NLGN1: variants seen among roughly 807,000 people sequenced by gnomAD.
NLGN1 encodes the protein neuroligin-1.
NLGN1 carries 12 observed loss-of-function variants against 65.5 expected under a neutral mutation model. That is an observed-to-expected ratio of 0.18 (90% confidence interval 0.12 to 0.30). The LOEUF is 0.30. Ranked by LOEUF, NLGN1 falls within the 10% of genes least tolerant of loss-of-function variation. NLGN1 has a pLI of 1.00. For synonymous variants in NLGN1, 350 were observed against 359.5 expected (o/e 0.97, Z 0.30); for missense variants, 750 against 1,007.1 (o/e 0.74, Z 3.46).
chr3:173,813,066 G>A (rs897780775), intron 4 of NLGN1, among the ~76,000 whole-genome samples: 3 of 151,554 alleles, frequency 2.0e-5, no homozygotes, highest in Admixed American at 2.0e-4. Context: ...AGAAAAGTAA[G>A]GAAAGGTAGA....
intron 3 of NLGN1, among the ~76,000 whole-genome samples, chr3:173,716,606 C>T (rs1371572752): frequency 3.3e-5 from 5 of 151,976 alleles, no homozygotes; most frequent in African/African-American, 1.2e-4. Context: ...TACTTCTTCC[C>T]GGGGGCTGAA....
intron 4 of NLGN1, among the ~76,000 whole-genome samples, chr3:174,091,899 A>C (rs1259349707): frequency 2.0e-5 from 3 of 152,194 alleles, no homozygotes; most frequent in African/African-American, 7.2e-5. Flanking sequence ...CAAGTCCCAA[A>C]GGGAAGAGCA....
intron 3 of NLGN1, among the ~76,000 whole-genome samples, chr3:173,611,650 A>T (rs1752313940): frequency 6.6e-6 from 1 of 152,012 alleles, no homozygotes; most frequent in African/African-American, 2.4e-5. Flanking sequence ...AAACAGTGTA[A>T]GTTGGGACTC....
intron 3 of NLGN1, among the ~76,000 whole-genome samples, chr3:173,806,031 T>A (rs564633794): frequency 6.6e-6 from 1 of 152,306 alleles, no homozygotes; most frequent in Non-Finnish European, 1.5e-5. Flanking sequence ...TGTCAAAGTA[T>A]CCTTCCCTCA....
At chr3:173,638,690 A>G (rs1021668137) in intron 3 of NLGN1, among the ~76,000 whole-genome samples, 3 of 152,294 alleles carry the variant, frequency 2.0e-5, no homozygotes, top group African/African-American at 7.2e-5. Context: ...TATTTTAATC[A>G]GAGATGGAAT....
Position 174,280,788 on chromosome 3 carries a change from G to A in NLGN1, c.1957G>A (p.Ala653Thr), listed in dbSNP as rs764448649. 11 of 1,613,296 alleles carry A rather than the reference G, an allele frequency of 6.8e-6. No individual in the cohort carries two copies. The highest frequency in any genetic ancestry group is 9.3e-6 in the Non-Finnish European group (11 of 1,179,546). ...ACCTGTCACGTCAGCCTTTCCCACTGCCAAGCAGGATGATCCCAAACAACA... is the reference window on the plus strand; with the variant it reads ...ACCTGTCACGTCAGCCTTTCCCACTACCAAGCAGGATGATCCCAAACAACA... Residue 653 changes from alanine to threonine, a missense_variant, in exon 7 of 7, where the codon GCC becomes ACC. Physicochemically the swap from Ala to Thr is moderately conservative, Grantham distance 58. Transcript: ENST00000457714. This position sits in a 1 kb window ranked among gnomAD's most constrained non-coding sequence, Gnocchi z 4.9.
intron 4 of NLGN1, among the ~76,000 whole-genome samples, chr3:173,986,222 A>C (rs1056408853): frequency 6.6e-6 from 1 of 152,104 alleles, no homozygotes; most frequent in African/African-American, 2.4e-5. Flanking sequence ...TAATCCCAAC[A>C]CTTTGGGAGG....
chr3:174,008,860 T>C (rs1724969734), intron 4 of NLGN1, among the ~76,000 whole-genome samples: 1 of 152,118 alleles, frequency 6.6e-6, no homozygotes, highest in South Asian at 2.1e-4. Flanking sequence ...AACCCTTTAA[T>C]TTTTTTATTG....
chr3:174,133,333 A>G (rs1264169244), intron 4 of NLGN1, among the ~76,000 whole-genome samples: 1 of 152,180 alleles, frequency 6.6e-6, no homozygotes, highest in Non-Finnish European at 1.5e-5. Context: ...AATATCTTCT[A>G]ATCTTTGACA....
chr3:173,911,743 T>C (rs988015586), intron 4 of NLGN1, among the ~76,000 whole-genome samples: 1 of 152,204 alleles, frequency 6.6e-6, no homozygotes, highest in African/African-American at 2.4e-5. Context: ...AGAGCATTGA[T>C]ACTTGTTGAA....
chr3:173,445,400 A>C (rs1405794151), intron 2 of NLGN1, among the ~76,000 whole-genome samples: 1 of 152,174 alleles, frequency 6.6e-6, no homozygotes, highest in Non-Finnish European at 1.5e-5. Context: ...GGTTAATTAA[A>C]GCTTAAGTTA....
At chr3:173,498,525 T>G (rs1730428866) in intron 2 of NLGN1, among the ~76,000 whole-genome samples, 2 of 151,916 alleles carry the variant, frequency 1.3e-5, no homozygotes, top group African/African-American at 2.4e-5. Flanking sequence ...CGTGTGCATG[T>G]GGCTTTATAG....
intron 4 of NLGN1, among the ~76,000 whole-genome samples, chr3:174,203,603 T>A (rs1461716229): frequency 1.3e-5 from 2 of 152,144 alleles, no homozygotes; most frequent in Non-Finnish European, 2.9e-5. Context: ...GGCACCCACA[T>A]CTATGAGGAA....
At chr3:173,458,282 GTT>G (rs1258937788) in intron 2 of NLGN1, among the ~76,000 whole-genome samples, 2 of 151,782 alleles carry the variant, frequency 1.3e-5, no homozygotes. Context: ...GTTTTGTTTT[GTT>G]TTTGCATAAT....
At chr3:173,633,746 A>G (rs1756121201) in intron 3 of NLGN1, among the ~76,000 whole-genome samples, 1 of 152,126 alleles carries the variant, frequency 6.6e-6, no homozygotes, top group Non-Finnish European at 1.5e-5. Context: ...GAAGAATATT[A>G]GACTTCTAAG....
chr3:173,814,159 A>G (rs898423581), intron 4 of NLGN1, among the ~76,000 whole-genome samples: 3 of 152,234 alleles, frequency 2.0e-5, no homozygotes, highest in African/African-American at 7.2e-5. Context: ...GGGGCACCCC[A>G]TAGTGTCATA....
At chr3:173,586,635 T>C (rs1228890320) in intron 2 of NLGN1, among the ~76,000 whole-genome samples, 1 of 152,226 alleles carries the variant, frequency 6.6e-6, no homozygotes, top group Non-Finnish European at 1.5e-5. Flanking sequence ...TGTAGGCTTA[T>C]TTAGAGATTA....
At chr3:173,450,500 T>A (rs560604443) in intron 2 of NLGN1, among the ~76,000 whole-genome samples, 2 of 152,306 alleles carry the variant, frequency 1.3e-5, no homozygotes, top group Non-Finnish European at 2.9e-5. Flanking sequence ...TAACATTTTT[T>A]CCTTCATTTC....
intron 3 of NLGN1, among the ~76,000 whole-genome samples, chr3:173,675,887 T>TCTCTCTCTCTCTCA (rs756157881): frequency 0.013 from 1,825 of 138,574 alleles, 39 homozygotes; most frequent in African/African-American, 0.049. Flanking sequence ...TCTCTCTCTC[T>TCTCTCTCTCTCTCA]CACACACACA....
Sources: gnomAD v4.1 joint callset for allele counts (sites outside exome capture counted in the v4.1 genomes callset) on GRCh38, gnomAD v4.1.1 for gene constraint, Gnocchi (gnomAD v3.1) non-coding constraint, MANE v1.5 for transcripts, NCBI Gene and HGNC (gene_info 2026-07-23, HGNC 2026-07-21) for gene names.